The following CD80 variants were observed in gnomAD, a reference collection of about 807,000 sequenced individuals.
CD80 encodes the protein T-lymphocyte activation antigen CD80.
CD80 carries 13 observed loss-of-function variants against 27.1 expected under a neutral mutation model. The observed-to-expected ratio is 0.48, with a 90% confidence interval of 0.31 to 0.76. The LOEUF is 0.76. Ranked by LOEUF, CD80 falls within the 30% of genes least tolerant of loss-of-function variation. CD80 has a pLI of 0.04. For synonymous variants in CD80, 125 were observed against 125.5 expected (o/e 1.00, Z 0.03); for missense variants, 277 against 347.9 (o/e 0.80, Z 1.62).
chr3:119,557,232 A>T (rs2082269626), intron 2 of CD80, among the ~76,000 whole-genome samples: 1 of 152,230 alleles, frequency 6.6e-6, no homozygotes. Flanking sequence ...TTTTAGAAGC[A>T]GGACACTTTC....
chr3:119,553,825 C>T (rs2082248368), intron 2 of CD80, among the ~76,000 whole-genome samples: 1 of 152,232 alleles, frequency 6.6e-6, no homozygotes, highest in African/African-American at 2.4e-5. Flanking sequence ...TATAGAAAAG[C>T]GTGAAAGTCA....
intron 6 of CD80, among the ~76,000 whole-genome samples, chr3:119,527,023 T>G (rs1310754050): frequency 6.6e-6 from 1 of 152,194 alleles, no homozygotes; most frequent in African/African-American, 2.4e-5. Flanking sequence ...AGGATGGACA[T>G]TCCAGACCCC....
At chr3:119,543,930 C>A (rs966659076) in intron 3 of CD80, among the ~76,000 whole-genome samples, 5 of 148,748 alleles carry the variant, frequency 3.4e-5, no homozygotes, top group Admixed American at 6.8e-5. Flanking sequence ...GCTATGTCAC[C>A]CAGGCTGGAG....
intron 2 of CD80, among the ~76,000 whole-genome samples, chr3:119,545,437 T>C (rs543137645): frequency 6.9e-4 from 105 of 152,332 alleles, no homozygotes; most frequent in African/African-American, 2.3e-3. Flanking sequence ...CACATTGTTG[T>C]GAAACAGATC....
intron 2 of CD80, among the ~76,000 whole-genome samples, chr3:119,548,772 C>G (rs371781421): frequency 1.2e-3 from 188 of 152,268 alleles, no homozygotes; most frequent in Admixed American, 4.8e-3. Flanking sequence ...CATCATGGCT[C>G]AAGCCTGTAA....
chr3:119,538,421 C>A (rs1173733242), intron 3 of CD80, among the ~76,000 whole-genome samples: 2 of 152,120 alleles, frequency 1.3e-5, no homozygotes, highest in East Asian at 1.9e-4. Context: ...AACTTGAGAC[C>A]AAAAACACTG....
At chr3:119,554,455 C>T (rs541128546) in intron 2 of CD80, among the ~76,000 whole-genome samples, 1 of 152,296 alleles carries the variant, frequency 6.6e-6, no homozygotes, top group Non-Finnish European at 1.5e-5. Flanking sequence ...CTGAGGGCTG[C>T]CCTGTTAGAG....
chr3:119,545,720 G>T (rs2082198862), intron 2 of CD80, among the ~76,000 whole-genome samples: 1 of 151,764 alleles, frequency 6.6e-6, no homozygotes, highest in African/African-American at 2.4e-5. Flanking sequence ...TAAGGATAAT[G>T]AATAATATTA....
At chr3:119,544,921 C>G (rs1388912645) in intron 2 of CD80, 54 bp from the exon 3 acceptor site, 7 of 1,435,542 alleles carry the variant, frequency 4.9e-6, no homozygotes, top group Non-Finnish European at 6.7e-6. Context: ...CAGATTCCTG[C>G]ATGGTCAGGA....
Position 119,524,455 on chromosome 3 carries a change from AAC to A in CD80, c.*1331_*1332del, listed in dbSNP as rs2082052259. The A allele has an allele frequency of 6.6e-6, 1 of 152,218 alleles. No homozygotes were observed. 9.4% of individuals were successfully genotyped at this position (152,218 alleles called of 1,614,324 possible). A position where few individuals can be genotyped will look rare whatever the true frequency, so the allele number is the denominator to read the frequency against. On this transcript the variant is annotated 3_prime_UTR_variant, in exon 7 of 7. Coordinates refer to ENST00000264246, the MANE Select transcript of CD80 (RefSeq NM_005191.4). Reference sequence around the variant, plus strand: ...GTTAAGTATTCCTGTCAATACGGGAAACACTGCTAGTACCTTATGTTGGTGTT... The same window carrying A: ...GTTAAGTATTCCTGTCAATACGGGAAACTGCTAGTACCTTATGTTGGTGTT...
Position 119,534,393 on chromosome 3 carries a change from GA to G in CD80, c.700+2743del, listed in dbSNP as rs71293250. 1.4e-4 allele frequency among the ~76,000 whole-genome samples: 20 copies of G among 143,426 alleles called. No homozygotes were observed. In the East Asian group the frequency reaches 2.4e-3, roughly 17 times the overall value. The allele number at this position is 143,426 out of a possible 152,430, so 94.1% of individuals were successfully genotyped here. A position where few individuals can be genotyped will look rare whatever the true frequency, so the allele number is the denominator to read the frequency against. On this transcript the variant is annotated intron_variant, in intron 4 of 6. Coordinates refer to ENST00000264246, the MANE Select transcript of CD80 (RefSeq NM_005191.4). ...GTCTCAAAAAAAAAAAAAAGAAAAA[GA>G]AAAAAAAAAGAAAAATTTTGTTGGA...
At chr3:119,535,179 G>A (rs1192292613) in intron 4 of CD80, among the ~76,000 whole-genome samples, 5 of 146,786 alleles carry the variant, frequency 3.4e-5, no homozygotes, top group African/African-American at 5.1e-5. Context: ...GTGACAGAGC[G>A]AGACTCCGTC....
At chr3:119,553,138 TA>T (rs2082243638) in intron 2 of CD80, among the ~76,000 whole-genome samples, 1 of 148,506 alleles carries the variant, frequency 6.7e-6, no homozygotes, top group South Asian at 2.2e-4. Context: ...TTTATTTATT[TA>T]TTTATTTATT....
In CD80 at chr3:119,529,209, C is replaced by A. The variant is rs577353310; in HGVS notation, c.796+633G>T. Among the ~76,000 whole-genome samples the A allele has an allele frequency of 1.6e-4, 24 of 152,262 alleles. No individual in the cohort carries two copies. The Middle Eastern group carries it at 0.017, about 108-fold the overall frequency. On this transcript the variant is annotated intron_variant, in intron 5 of 6. Coordinates refer to ENST00000264246, the MANE Select transcript of CD80 (RefSeq NM_005191.4). ...AAGTGATCCACCTGCCTTGGCCTCC[C>A]AAAGTGCTGGGATTACAGGCATGAG...
Position 119,557,665 on chromosome 3 carries a change from G to A in CD80, c.64C>T (p.Leu22Phe). 6.2e-7 allele frequency: 1 copy of A among 1,613,828 alleles called. No individual in the cohort carries two copies. The highest frequency in any genetic ancestry group is 1.7e-5 in the Admixed American group (1 of 60,010). ...SKCPYLNFFQ[L>F]LVLAGLSHFC... Reference sequence around the variant, plus strand: ...TGAGAAAGACCAGCCAGCACCAAGAGCTGAAAGAAATTGAGGTATGGACAC... The same window carrying A: ...TGAGAAAGACCAGCCAGCACCAAGAACTGAAAGAAATTGAGGTATGGACAC... Residue 22 changes from leucine (L) to phenylalanine (F), a missense_variant, in exon 2 of 7, where the codon CTC becomes TTC. Physicochemically the swap from Leu to Phe is conservative, Grantham distance 22. Transcript: ENST00000264246.
chr3:119,551,664 T>C (rs1372142428), intron 2 of CD80, among the ~76,000 whole-genome samples: 1 of 152,230 alleles, frequency 6.6e-6, no homozygotes, highest in Non-Finnish European at 1.5e-5. Context: ...TATTCTGTTA[T>C]AGCAGCACAA....
chr3:119,535,517 C>T (rs1483508978), intron 4 of CD80, among the ~76,000 whole-genome samples: 1 of 152,112 alleles, frequency 6.6e-6, no homozygotes, highest in Non-Finnish European at 1.5e-5. Context: ...TCTCAGTTCA[C>T]CTTGTAAGCC....
intron 6 of CD80, chr3:119,527,484 A>T: frequency 2.3e-6 from 1 of 435,584 alleles, no homozygotes; most frequent in South Asian, 5.0e-5. Flanking sequence ...TGTTTAATAG[A>T]TAATGAATTG....
Position 119,557,628 on chromosome 3 carries a change from C to A in CD80, c.100+1G>T. ...CAGTTAAGTTCCTGAAAGTTGCTTACCTGAACAGAAGTGAGAAAGACCAGC... is the reference window on the plus strand; with the variant it reads ...CAGTTAAGTTCCTGAAAGTTGCTTAACTGAACAGAAGTGAGAAAGACCAGC... On this transcript the variant is annotated splice_donor_variant, in intron 2 of 6. Transcript: ENST00000264246. LOFTEE classifies it high-confidence loss of function. 1 of 1,610,928 alleles carries A rather than the reference C, an allele frequency of 6.2e-7. No individual in the cohort carries two copies. The highest frequency in any genetic ancestry group is 8.5e-7 in the Non-Finnish European group (1 of 1,177,836).
Sources: allele counts gnomAD v4.1 joint callset (sites outside exome capture counted in the v4.1 genomes callset), GRCh38; gene constraint gnomAD v4.1.1; transcripts MANE v1.5; gene names NCBI Gene and HGNC (gene_info 2026-07-23, HGNC 2026-07-21).